The following ARHGAP6 variants were observed in gnomAD, a reference collection of about 807,000 sequenced individuals.
ARHGAP6 encodes rho GTPase-activating protein 6.
In ARHGAP6, 16 loss-of-function variants were observed where a neutral mutation model predicts 55.7. The observed-to-expected ratio is 0.29, with a 90% CI of 0.19 to 0.44. The LOEUF is 0.44. Ranked by LOEUF, ARHGAP6 falls within the 20% of genes least tolerant of loss-of-function variation. The pLI, the probability that ARHGAP6 is intolerant of heterozygous loss-of-function variation, is 1.00. For synonymous variants in ARHGAP6, 382 were observed against 360.9 expected, an observed-to-expected ratio of 1.06 and a Z score of -0.66; for missense variants, 698 against 808.9, an observed-to-expected ratio of 0.86 and a Z score of 1.66.
chrX:11,468,529 T>A (rs2050317954), intron 1 of ARHGAP6, among the ~76,000 whole-genome samples: 1 of 112,314 alleles, frequency 8.9e-6, no homozygotes, highest in African/African-American at 3.2e-5. Context: ...TTATTTTGAA[T>A]CTACTCAATA....
chrX:11,258,619 CTG>C (rs2047520780), intron 1 of ARHGAP6, among the ~76,000 whole-genome samples: 1 of 111,725 alleles, frequency 9.0e-6, no homozygotes. Flanking sequence ...TTTTTTCAAA[CTG>C]TTTACAAATG....
chrX:11,271,427 T>C (rs758231696), intron 1 of ARHGAP6, among the ~76,000 whole-genome samples: 1 of 112,064 alleles, frequency 8.9e-6, no homozygotes, highest in Non-Finnish European at 1.9e-5. Flanking sequence ...CAATGCTATA[T>C]TTGGTGACAT....
chrX:11,428,566 G>C (rs2049912768), intron 1 of ARHGAP6, among the ~76,000 whole-genome samples: 1 of 111,933 alleles, frequency 8.9e-6, no homozygotes, highest in East Asian at 2.8e-4. Flanking sequence ...AGAGACTCCA[G>C]ACTCATGAAT....
intron 1 of ARHGAP6, among the ~76,000 whole-genome samples, chrX:11,613,307 CT>C (rs1466645706): frequency 8.9e-6 from 1 of 112,450 alleles, no homozygotes; most frequent in African/African-American, 3.2e-5. Flanking sequence ...GATAGGCTAC[CT>C]TTTGGCCACC....
chrX:11,659,987 C>T (rs948687671), intron 1 of ARHGAP6, among the ~76,000 whole-genome samples: 1 of 112,029 alleles, frequency 8.9e-6, no homozygotes, highest in Non-Finnish European at 1.9e-5. Context: ...TGCCAAATGT[C>T]CCCTGGGGAC....
At chrX:11,188,100 T>C (rs752769414) in intron 4 of ARHGAP6, among the ~76,000 whole-genome samples, 1 of 111,860 alleles carries the variant, frequency 8.9e-6, no homozygotes, top group Non-Finnish European at 1.9e-5. Flanking sequence ...TCCAGTGACC[T>C]GGAAGCTTTA....
At chrX:11,620,286 C>CT (rs1484872916) in intron 1 of ARHGAP6, among the ~76,000 whole-genome samples, 2 of 112,004 alleles carry the variant, frequency 1.8e-5, no homozygotes, top group African/African-American at 6.5e-5. Flanking sequence ...AAAAAACAAA[C>CT]TTTTTTTGAA....
At chrX:11,212,080 G>A (rs1364277101) in intron 2 of ARHGAP6, among the ~76,000 whole-genome samples, 1 of 111,303 alleles carries the variant, frequency 9.0e-6, no homozygotes, top group African/African-American at 3.3e-5. Flanking sequence ...ATCTGACACA[G>A]AATGTGTCTC....
At chrX:11,143,531 C>G (rs1245292001) in intron 11 of ARHGAP6, 1 of 825,262 alleles carries the variant, frequency 1.2e-6, no homozygotes, top group Admixed American at 6.6e-5. Flanking sequence ...TCATTGGATA[C>G]TAACACTATT....
At chrX:11,174,701 T>C (rs1289685620) in intron 8 of ARHGAP6, among the ~76,000 whole-genome samples, 1 of 100,670 alleles carries the variant, frequency 9.9e-6, no homozygotes, top group African/African-American at 3.7e-5. Context: ...CATTTATTTA[T>C]TTTTGAGATG....
intron 1 of ARHGAP6, among the ~76,000 whole-genome samples, chrX:11,348,701 A>G (rs5935019): frequency 0.06 from 6,756 of 111,701 alleles, 220 homozygotes; most frequent in African/African-American, 0.13. Flanking sequence ...CCAGGCTGGA[A>G]TGCAGCAATG....
At chrX:11,179,594 C>T (rs866916763) in intron 6 of ARHGAP6, 142 bp from the exon 7 acceptor site, 1 of 623,138 alleles carries the variant, frequency 1.6e-6, no homozygotes. Context: ...AACATCCTCA[C>T]CTTGATCTGC....
intron 2 of ARHGAP6, among the ~76,000 whole-genome samples, chrX:11,200,009 T>A (rs1413144892): frequency 8.9e-6 from 1 of 112,519 alleles, no homozygotes; most frequent in Non-Finnish European, 1.9e-5. Context: ...TTTGTTCTCA[T>A]AAAGCATAGA....
chrX:11,345,423 A>G (rs1425466613), intron 1 of ARHGAP6, among the ~76,000 whole-genome samples: 1 of 112,600 alleles, frequency 8.9e-6, no homozygotes, highest in Non-Finnish European at 1.9e-5. Flanking sequence ...GCAAATAAGA[A>G]CAAATGTTAA....
intron 1 of ARHGAP6, among the ~76,000 whole-genome samples, chrX:11,508,071 G>A (rs773728538): frequency 4.5e-5 from 5 of 111,862 alleles, no homozygotes; most frequent in Non-Finnish European, 7.5e-5. Context: ...AAAAGTACAG[G>A]GTGTTTACCT....
intron 4 of ARHGAP6, among the ~76,000 whole-genome samples, chrX:11,187,006 T>C (rs2046394226): frequency 9.0e-6 from 1 of 110,774 alleles, no homozygotes; most frequent in Non-Finnish European, 1.9e-5. Context: ...CTATTATCAT[T>C]GTGGGCAACT....
intron 1 of ARHGAP6, among the ~76,000 whole-genome samples, chrX:11,379,726 T>A (rs1042659863): frequency 4.5e-5 from 5 of 111,283 alleles, no homozygotes; most frequent in African/African-American, 1.3e-4. Flanking sequence ...CCCCAAAGCT[T>A]TCTCATGAAA....
At chrX:11,397,416 A>G (rs775094076) in intron 1 of ARHGAP6, among the ~76,000 whole-genome samples, 1 of 111,645 alleles carries the variant, frequency 9.0e-6, no homozygotes, top group South Asian at 3.8e-4. Context: ...GTGTATGTAT[A>G]TCAAAGACAG....
intron 2 of ARHGAP6, among the ~76,000 whole-genome samples, chrX:11,237,438 T>C (rs2047218130): frequency 8.9e-6 from 1 of 111,999 alleles, no homozygotes; most frequent in Non-Finnish European, 1.9e-5. Context: ...TTCCAGCCTC[T>C]TGAGGAAAGT....
Sources: allele counts gnomAD v4.1 joint callset (sites outside exome capture counted in the v4.1 genomes callset), GRCh38; gene constraint gnomAD v4.1.1; transcripts MANE v1.5; gene names NCBI Gene and HGNC (gene_info 2026-07-23, HGNC 2026-07-21).